Variants in COX6C observed in about 807,000 individuals in gnomAD.
COX6C encodes cytochrome c oxidase polypeptide VIc.
A neutral mutation model predicts 6.9 loss-of-function variants in COX6C; 3 were observed. The ratio of observed to expected loss-of-function variants is 0.43; its 90% CI spans 0.20 to 1.12. The LOEUF (loss-of-function observed/expected upper bound fraction) is 1.12. Among genes scored for constraint, COX6C ranks in the 50% most tolerant of loss-of-function variants. COX6C has a pLI of 0.27. For synonymous variants in COX6C, 32 were observed against 32.0 expected, an observed-to-expected ratio of 1.00 and a Z score of 0.00; for missense variants, 101 against 97.3, an observed-to-expected ratio of 1.04 and a Z score of -0.16.
In COX6C at chr8:99,877,980, G is replaced by A. The variant is rs1033747486; in HGVS notation, c.*301C>T. 6.6e-6 allele frequency: 1 copy of A among 152,164 alleles called. No individual in the cohort carries two copies. Among genetic ancestry groups the A allele is most frequent in the African/African-American group, 2.4e-5 (1 of 41,446 alleles). 9.4% of individuals were successfully genotyped at this position (152,164 alleles called of 1,614,324 possible). A position where few individuals can be genotyped will look rare whatever the true frequency, so the allele number is the denominator to read the frequency against. ...ATCCATAGCCCAAGACCAAGTAACT[G>A]CAATGAAACGGACAAACTATCACAG... On this transcript the variant is annotated 3_prime_UTR_variant, in exon 4 of 4. Coordinates refer to ENST00000520468, the MANE Select transcript of COX6C (RefSeq NM_004374.4).
chr8:99,887,228 C>T (rs1817955849), intron 3 of COX6C: 1 of 270,996 alleles, frequency 3.7e-6, no homozygotes, highest in Admixed American at 5.3e-5. Context: ...ACAGCATCAG[C>T]TGTTTACCCT....
intron 3 of COX6C, among the ~76,000 whole-genome samples, chr8:99,879,025 A>T (rs779158107): frequency 1.1e-4 from 17 of 152,264 alleles, no homozygotes; most frequent in African/African-American, 1.9e-4. Flanking sequence ...GCCTGACAAA[A>T]TAGCAGTTTC....
At chr8:99,880,999 TAGTC>T (rs904321386) in intron 3 of COX6C, among the ~76,000 whole-genome samples, 3 of 152,292 alleles carry the variant, frequency 2.0e-5, no homozygotes, top group South Asian at 2.1e-4. Context: ...AAAAGGACAC[TAGTC>T]AGTAACTCAA....
chr8:99,891,252 T>C (rs1420993783), intron 2 of COX6C, among the ~76,000 whole-genome samples: 1 of 152,198 alleles, frequency 6.6e-6, no homozygotes, highest in Non-Finnish European at 1.5e-5. Flanking sequence ...AGTGATGTTC[T>C]TTTAAGAAAT....
In COX6C at chr8:99,889,464, T is replaced by G. The variant is rs536248702; in HGVS notation, c.115-1846A>C. The stretch of plus-strand genomic sequence containing the variant: ...GTAATGGTGCGAACTCGGCTCACTG[T>G]AACCTCCCCTTCCTGGGTTCAAGCA... On this transcript the variant is annotated intron_variant, in intron 2 of 3. Transcript: ENST00000520468. 9.9e-5 allele frequency among the ~76,000 whole-genome samples: 15 copies of G among 151,304 alleles called. No homozygotes were observed. In the South Asian group the frequency reaches 3.1e-3, roughly 32 times the overall value.
rs961599848 is a variant in COX6C at position 99,892,607 on chromosome 8, G to A, written c.-31-555C>T. ...CATAGTACATTTTACTACCTAGAGA[G>A]GCACAGCACGACAGTGGATGGATTC... On this transcript the variant is annotated intron_variant, in intron 1 of 3. Coordinates refer to ENST00000520468, the MANE Select transcript of COX6C (RefSeq NM_004374.4). Among the ~76,000 whole-genome samples the A allele has an allele frequency of 1.4e-4, 21 of 152,114 alleles. 1 individual carries two copies. Among genetic ancestry groups the A allele is most frequent in the African/African-American group, 4.8e-4 (20 of 41,412 alleles).
At chr8:99,882,593 A>G (rs1479633908) in intron 3 of COX6C, among the ~76,000 whole-genome samples, 2 of 152,222 alleles carry the variant, frequency 1.3e-5, no homozygotes, top group Non-Finnish European at 2.9e-5. Flanking sequence ...ACTACAATAG[A>G]GAAAAATCAA....
chr8:99,885,374 T>C (rs991044055), intron 3 of COX6C, among the ~76,000 whole-genome samples: 2 of 152,226 alleles, frequency 1.3e-5, no homozygotes, highest in Non-Finnish European at 2.9e-5. Flanking sequence ...TTTGGTACTA[T>C]CTGTGGTTTC....
intron 3 of COX6C, chr8:99,886,935 T>C (rs1042973010): frequency 1.1e-4 from 17 of 152,222 alleles, no homozygotes; most frequent in African/African-American, 3.9e-4. Context: ...GTGAATGAAC[T>C]TAACACTACT....
intron 3 of COX6C, among the ~76,000 whole-genome samples, chr8:99,881,173 A>C (rs1300363357): frequency 1.3e-5 from 2 of 152,196 alleles, no homozygotes; most frequent in Admixed American, 1.3e-4. Flanking sequence ...CAGTCTGGCC[A>C]ACACGGTGAA....
chr8:99,887,589 T>A lies in COX6C; in HGVS notation c.144A>T (p.Ala48=). 1 of 1,607,540 alleles carries A rather than the reference T, an allele frequency of 6.2e-7. No homozygotes were observed. Among genetic ancestry groups the A allele is most frequent in the Non-Finnish European group, 8.5e-7 (1 of 1,178,322 alleles). The part of the protein sequence containing the change: ...KFRVADQRKK[A]YADFYRNYDV... ...CGTAGTTTCTGTAGAAATCTGCGTA[T>A]GCCTTCTTTCTTTGATCAGCCACAC... Residue 48 remains alanine (A), a synonymous_variant, in exon 3 of 4, where the codon GCA becomes GCT. Coordinates refer to ENST00000520468, the MANE Select transcript of COX6C (RefSeq NM_004374.4).
At chr8:99,891,790 A>T in intron 2 of COX6C, 118 bp downstream of exon 2, 1 of 828,638 alleles carries the variant, frequency 1.2e-6, no homozygotes. Context: ...TGTCACACTG[A>T]GGTGAGTGCA....
At chr8:99,892,713 A>C (rs74905488) in intron 1 of COX6C, among the ~76,000 whole-genome samples, 7,215 of 151,494 alleles carry the variant, frequency 0.048, 212 homozygotes, top group East Asian at 0.1. Flanking sequence ...GACCACCCTA[A>C]ATAAACGCGA....
rs1210938929 is a variant in COX6C, at chr8:99,892,113, T to A, written c.-31-61A>T. The A allele has an allele frequency of 1.1e-5, 10 of 896,000 alleles. No homozygotes were observed. The East Asian group carries it at 2.2e-4, about 20-fold the overall frequency. 55.5% of individuals were successfully genotyped at this position (896,000 alleles called of 1,614,324 possible). A position where few individuals can be genotyped will look rare whatever the true frequency, so the allele number is the denominator to read the frequency against. ...TTTATTTAAGCCACAAACTTGAGAA[T>A]GGCCACCTGGAAGCATTGATTGGAG... On this transcript the variant is annotated intron_variant, in intron 1 of 3. Coordinates refer to ENST00000520468, the MANE Select transcript of COX6C (RefSeq NM_004374.4).
chr8:99,885,218 T>C (rs532294263), intron 3 of COX6C, among the ~76,000 whole-genome samples: 2 of 152,356 alleles, frequency 1.3e-5, no homozygotes, highest in South Asian at 2.1e-4. Flanking sequence ...CAGCAAGATA[T>C]TGAGAGATCA....
intron 3 of COX6C, among the ~76,000 whole-genome samples, chr8:99,883,140 G>C (rs188041971): frequency 6.6e-6 from 1 of 152,016 alleles, no homozygotes; most frequent in Admixed American, 6.5e-5. Flanking sequence ...TAATCTGAAC[G>C]TCTATAACTA....
At chr8:99,884,163 G>C (rs1033953385) in intron 3 of COX6C, among the ~76,000 whole-genome samples, 1 of 152,066 alleles carries the variant, frequency 6.6e-6, no homozygotes, top group African/African-American at 2.4e-5. Flanking sequence ...GAAGGAATAA[G>C]CAACATCCAA....
rs770834069 is a variant in COX6C, at chr8:99,892,023, G to T, written c.-2C>A. 11 of 1,609,244 alleles carry T rather than the reference G, an allele frequency of 6.8e-6. No individual in the cohort carries two copies. In the Admixed American group the frequency reaches 1.9e-4, roughly 27 times the overall value. ...TTTTGGCAAAACTTCGGGAGCCATG[G>T]TAGTTACTGTCCTTGATACGTATGC... On this transcript the variant is annotated 5_prime_UTR_variant, in exon 2 of 4. Coordinates refer to ENST00000520468, the MANE Select transcript of COX6C (RefSeq NM_004374.4).
At chr8:99,887,730 T>A in intron 2 of COX6C, 112 bp from the exon 3 acceptor site, 2 of 650,924 alleles carry the variant, frequency 3.1e-6, no homozygotes, top group Non-Finnish European at 4.9e-6. Context: ...CCCTTTAATT[T>A]AAACCCTACA....
Sources: gnomAD v4.1 joint callset for allele counts (sites outside exome capture counted in the v4.1 genomes callset) on GRCh38, gnomAD v4.1.1 for gene constraint, MANE v1.5 for transcripts, NCBI Gene and HGNC (gene_info 2026-07-23, HGNC 2026-07-21) for gene names.